Variants in MAN2B1 observed in about 807,000 individuals in gnomAD.
MAN2B1 encodes the protein lysosomal alpha-mannosidase.
A neutral mutation model predicts 127.5 loss-of-function variants in MAN2B1; 99 were observed. That is an observed-to-expected ratio of 0.78 (90% CI 0.66 to 0.92). The LOEUF (loss-of-function observed/expected upper bound fraction) is 0.92, where lower values mean the gene tolerates loss of function less well. Among genes scored for constraint, MAN2B1 ranks in the 40% least tolerant of loss-of-function variants. The pLI is 0.00. For synonymous variants in MAN2B1, 573 were observed against 568.8 expected (o/e 1.01, Z -0.11); for missense variants, 1,304 against 1,384.8 (o/e 0.94, Z 0.93).
At chr19:12,649,858 C>CCTGGGCCCCCACA in intron 18 of MAN2B1, 55 bp downstream of exon 18, 2 of 1,405,204 alleles carry the variant, frequency 1.4e-6, no homozygotes, top group Non-Finnish European at 2.0e-6. Flanking sequence ...CCTCACCACC[C>CCTGGGCCCCCACA]CTGGGCCCCA....
intron 6 of MAN2B1, among the ~76,000 whole-genome samples, chr19:12,662,594 C>T (rs972638014): frequency 3.3e-5 from 5 of 151,886 alleles, no homozygotes; most frequent in African/African-American, 1.2e-4. Flanking sequence ...CGTGCCACTG[C>T]ACTCCAGCCT....
chr19:12,649,907 C>T lies in MAN2B1; in HGVS notation c.2267+6G>A. On this transcript the variant is annotated splice_donor_region_variant and intron_variant, in intron 18 of 23. Coordinates refer to ENST00000456935, the MANE Select transcript of MAN2B1 (RefSeq NM_000528.4). Reference sequence around the variant, plus strand: ...CACCCCCTCAGTGCTCTCAGTCACCCCCCACCTCCTCTCCAGGATCTCCCG... The same window carrying T: ...CACCCCCTCAGTGCTCTCAGTCACCTCCCACCTCCTCTCCAGGATCTCCCG... 1 of 1,611,896 alleles carries T rather than the reference C, an allele frequency of 6.2e-7. No individual in the cohort carries two copies. Among genetic ancestry groups the T allele is most frequent in the Non-Finnish European group, 8.5e-7 (1 of 1,178,848 alleles).
chr19:12,653,894 T>C (rs922439287), intron 14 of MAN2B1, among the ~76,000 whole-genome samples: 30 of 151,906 alleles, frequency 2.0e-4, no homozygotes, highest in Non-Finnish European at 2.9e-5. Context: ...AATTTTTGTA[T>C]TTTTGGTACA....
intron 4 of MAN2B1, 115 bp from the exon 5 acceptor site, chr19:12,663,950 C>G: frequency 7.3e-7 from 1 of 1,366,504 alleles, no homozygotes; most frequent in Non-Finnish European, 1.0e-6. Context: ...AGTGCTAGGT[C>G]GATGTGGTGG....
At position 12,666,739 on chromosome 19, in the gene MAN2B1, A is replaced by T. The variant is rs1371087988; in HGVS notation, c.-38T>A. The T allele has an allele frequency of 6.5e-7, 1 of 1,540,932 alleles. No individual in the cohort carries two copies. The highest frequency in any genetic ancestry group is 1.4e-5 in the African/African-American group (1 of 72,694). On this transcript the variant is annotated 5_prime_UTR_variant, in exon 1 of 24. Coordinates refer to ENST00000456935, the MANE Select transcript of MAN2B1 (RefSeq NM_000528.4). Reference sequence around the variant, plus strand: ...TCCTCCTGGGGTTCCCCGGCCCTGGAAAGGCCGGGCAAACGCCCCGCCCCC... The same window carrying T: ...TCCTCCTGGGGTTCCCCGGCCCTGGTAAGGCCGGGCAAACGCCCCGCCCCC...
chr19:12,655,700 T>C lies in MAN2B1; in HGVS notation c.1824A>G (p.Glu608=). Reference sequence around the variant, plus strand: ...GATTGAAATGGGGTCTCACCTCATTTTCGATGGTTAAAGCAGGGGACCAGG... The same window carrying C: ...GATTGAAATGGGGTCTCACCTCATTCTCGATGGTTAAAGCAGGGGACCAGG... The part of the protein sequence containing the change: ...RRSWSPALTI[E]NEHIRATFDP... Residue 608 remains glutamate, a synonymous_variant, in exon 14 of 24, where the codon GAA becomes GAG. Coordinates refer to ENST00000456935, the MANE Select transcript of MAN2B1 (RefSeq NM_000528.4). The C allele has an allele frequency of 1.2e-6, 2 of 1,609,170 alleles. No individual in the cohort carries two copies. The highest frequency in any genetic ancestry group is 1.7e-6 in the Non-Finnish European group (2 of 1,176,840).
chr19:12,650,559 C>T (rs538812482), intron 16 of MAN2B1, among the ~76,000 whole-genome samples: 13 of 151,866 alleles, frequency 8.6e-5, no homozygotes, highest in Non-Finnish European at 4.4e-5. Context: ...GGGGTTTCAC[C>T]GTGTTAGCAA....
intron 7 of MAN2B1, among the ~76,000 whole-genome samples, chr19:12,660,372 C>T (rs768880235): frequency 1.6e-4 from 25 of 152,064 alleles, no homozygotes; most frequent in Non-Finnish European, 2.9e-4. Flanking sequence ...CGTGGTGGCA[C>T]GCGACTGTAG....
chr19:12,652,223 G>T lies in MAN2B1; in HGVS notation c.1976C>A (p.Ala659Asp), dbSNP rs145126470. 3 of 1,614,022 alleles carry T rather than the reference G, an allele frequency of 1.9e-6. No individual in the cohort carries two copies. The highest frequency in any genetic ancestry group is 2.5e-6 in the Non-Finnish European group (3 of 1,180,050). Reference protein sequence around the residue: ...GDNESDQASGAYIFRPNQQKP... With the variant: ...GDNESDQASGDYIFRPNQQKP... ...CTGTTGGTTGGGTCTGAAGATGTAG[G>T]CACCTGAGGCCTGGTCACTTTCGTT... The change falls in exon 16 of 24, where the codon GCC becomes GAC. Residue 659 changes from alanine to aspartate, a missense_variant. By Grantham distance (126) the Ala-to-Asp change is moderately radical. Transcript: ENST00000456935.
At position 12,659,325 on chromosome 19, in the gene MAN2B1, T is replaced by C. The variant is rs1297240108; in HGVS notation, c.1027-815A>G. Among the ~76,000 whole-genome samples, 7 of 138,942 alleles carry C rather than the reference T, an allele frequency of 5.0e-5. No individual in the cohort carries two copies. In the Admixed American group the frequency reaches 5.1e-4, roughly 10 times the overall value. 91.2% of individuals were successfully genotyped at this position (138,942 alleles called of 152,430 possible). ...TTTTTTTTTTTTTTTTTTTTGAGAC[T>C]GAGTCTGACTCTGTCGCCCAAGCTG... On this transcript the variant is annotated intron_variant, in intron 7 of 23. Transcript: ENST00000456935.
In MAN2B1 at chr19:12,647,743, C is replaced by G. The variant is rs1281313371; in HGVS notation, c.2665-145G>C. Reference sequence around the variant, plus strand: ...GCAAGGCTCAGCCGAGAGGAGCGGCCAGGGCCGTGACAGGGAGGACTGAGC... The same window carrying G: ...GCAAGGCTCAGCCGAGAGGAGCGGCGAGGGCCGTGACAGGGAGGACTGAGC... On this transcript the variant is annotated intron_variant, in intron 21 of 23. Transcript: ENST00000456935. This position sits in a 1 kb window ranked among gnomAD's most constrained non-coding sequence, Gnocchi z 4.9. 1.4e-6 allele frequency: 1 copy of G among 690,166 alleles called. No individual in the cohort carries two copies. The highest frequency in any genetic ancestry group is 2.4e-6 in the Non-Finnish European group (1 of 416,034). The allele number at this position is 690,166 out of a possible 1,614,324, so 42.8% of individuals were successfully genotyped here.
At chr19:12,665,187 G>C in intron 3 of MAN2B1, 165 bp downstream of exon 3, 1 of 1,055,826 alleles carries the variant, frequency 9.5e-7, no homozygotes, top group Non-Finnish European at 1.5e-6. Flanking sequence ...CAGCAGGTGG[G>C]GCTTTGTGGG....
rs1318552820 is a variant in MAN2B1 at position 12,646,730 on chromosome 19, G to T, written c.2926C>A (p.Pro976Thr). ...SRLKWTTNTGPTPHQTPYQLD... is the reference protein window; with the variant it reads ...SRLKWTTNTGTTPHQTPYQLD... ...TGGTACGGAGTTTGGTGGGGTGTGG[G>T]GCCTGGAGAGGTGCAGGGGGAAGGA... The change falls in exon 24 of 24, where the codon CCC becomes ACC. Residue 976 changes from proline (P) to threonine (T), a missense_variant and splice_region_variant. By Grantham distance (38) the Pro-to-Thr change is conservative (BLOSUM62 -1). Transcript: ENST00000456935. 1.9e-6 allele frequency: 3 copies of T among 1,607,948 alleles called. No homozygotes were observed. In the Admixed American group the frequency reaches 5.0e-5, roughly 27 times the overall value.
rs1230894732 is a variant in MAN2B1, at chr19:12,664,808, G to A, written c.614C>T (p.Ala205Val). The A allele has an allele frequency of 2.5e-6, 4 of 1,613,316 alleles. No individual in the cohort carries two copies. Among genetic ancestry groups the A allele is most frequent in the Admixed American group, 1.7e-5 (1 of 59,966 alleles). Residue 205 changes from alanine (A) to valine (V), a missense_variant, in exon 4 of 24, where the codon GCC becomes GTC. Ala to Val is a moderately conservative substitution (Grantham distance 64). Transcript: ENST00000456935. ...IDPFGHSREQASLFAQMGFDG... is the reference protein window; with the variant it reads ...IDPFGHSREQVSLFAQMGFDG... ...GGGTCGCACCTGCGCAAACAGCGAG[G>A]CCTGCTCCCGAGAGTGGCCGAAGGG...
chr19:12,662,065 G>A (rs1434083985), intron 6 of MAN2B1, among the ~76,000 whole-genome samples: 2 of 152,038 alleles, frequency 1.3e-5, no homozygotes, highest in Admixed American at 1.3e-4. Flanking sequence ...TGCTGGTCTT[G>A]AACTCCTGAC....
intron 14 of MAN2B1, among the ~76,000 whole-genome samples, chr19:12,654,280 G>A (rs1361202043): frequency 1.3e-5 from 2 of 152,086 alleles, no homozygotes; most frequent in African/African-American, 4.8e-5. Flanking sequence ...CTGACCTCGT[G>A]ATCTGCCTGC....
chr19:12,658,351 C>A lies in MAN2B1; in HGVS notation c.1110-7G>T. 6.2e-7 allele frequency: 1 copy of A among 1,614,202 alleles called. No homozygotes were observed. Among genetic ancestry groups the A allele is most frequent in the Non-Finnish European group, 8.5e-7 (1 of 1,180,038 alleles). ...GTCGTCATGTTTCACTGACCTACAG[C>A]GGCAGGGGCATTGAGGGCAGGGTCA... On this transcript the variant is annotated splice_region_variant and splice_polypyrimidine_tract_variant and intron_variant, in intron 8 of 23. Transcript: ENST00000456935.
In MAN2B1 at chr19:12,658,279, A is replaced by G; in HGVS notation, c.1175T>C (p.Phe392Ser). The G allele has an allele frequency of 6.2e-7, 1 of 1,614,188 alleles. No individual in the cohort carries two copies. The highest frequency in any genetic ancestry group is 8.5e-7 in the Non-Finnish European group (1 of 1,180,030). The part of the protein sequence containing the change: ...DGPHQFWTGY[F>S]SSRPALKRYE... The stretch of plus-strand genomic sequence containing the variant: ...GCGTTTGAGGGCCGGCCGACTGGAA[A>G]AGTAACCGGTCCAGAACTGGTGGGG... Residue 392 changes from phenylalanine (F) to serine (S), a missense_variant, in exon 9 of 24, where the codon TTT (phenylalanine) becomes TCT (serine). Phe to Ser is a radical substitution (Grantham distance 155). Coordinates refer to ENST00000456935, the MANE Select transcript of MAN2B1 (RefSeq NM_000528.4).
Position 12,648,300 on chromosome 19 carries a change from C to G in MAN2B1, c.2539G>C (p.Asp847His). The G allele has an allele frequency of 3.7e-6, 6 of 1,612,792 alleles. No homozygotes were observed. Among genetic ancestry groups the G allele is most frequent in the Non-Finnish European group, 5.1e-6 (6 of 1,179,748 alleles). Reference protein sequence around the residue: ...WVRGRHLVLLDTAQAAAAGHR... With the variant: ...WVRGRHLVLLHTAQAAAAGHR... Reference sequence around the variant, plus strand: ...CCGGCGGCTGCAGCCTGGGCTGTGTCCAGCAGCACCAGGTGGCGCCCTCGC... The same window carrying G: ...CCGGCGGCTGCAGCCTGGGCTGTGTGCAGCAGCACCAGGTGGCGCCCTCGC... Residue 847 changes from aspartate to histidine, a missense_variant, in exon 21 of 24, where the codon GAC (aspartate) becomes CAC (histidine). Physicochemically the swap from Asp to His is moderately conservative, Grantham distance 81 (BLOSUM62 -1). Transcript: ENST00000456935.
Sources: allele counts gnomAD v4.1 joint callset (sites outside exome capture counted in the v4.1 genomes callset), GRCh38; gene constraint gnomAD v4.1.1; non-coding constraint Gnocchi (gnomAD v3.1); transcripts MANE v1.5; gene names NCBI Gene and HGNC (gene_info 2026-07-23, HGNC 2026-07-21).